GRIN2B: variants seen among roughly 807,000 people sequenced by gnomAD.
GRIN2B encodes glutamate receptor ionotropic, NMDA 2B.
In GRIN2B, 5 loss-of-function variants were observed where a neutral mutation model predicts 114.5. The observed-to-expected ratio is 0.04, with a 90% confidence interval of 0.02 to 0.09. The LOEUF (loss-of-function observed/expected upper bound fraction) is 0.09. Ranked by LOEUF, GRIN2B falls within the 10% of genes least tolerant of loss-of-function variation. The probability of loss-of-function intolerance (pLI) is 1.00; values close to 1 mark genes in which losing one functional copy is unlikely to be tolerated. For missense variants in GRIN2B, 1,108 were observed against 1,943.5 expected (o/e 0.57, Z 8.08); for synonymous variants, 787 against 745.1 (o/e 1.06, Z -0.92).
intron 5 of GRIN2B, among the ~76,000 whole-genome samples, chr12:13,631,925 G>A (rs60721406): frequency 0.035 from 5,403 of 152,280 alleles, 271 homozygotes; most frequent in African/African-American, 0.11. Context: ...CAGAAAAGGC[G>A]GGTTTCCAGA....
intron 10 of GRIN2B, among the ~76,000 whole-genome samples, chr12:13,574,786 T>A (rs1396322175): frequency 1.3e-5 from 2 of 152,264 alleles, no homozygotes; most frequent in African/African-American, 4.8e-5. Context: ...CCAAGATAAC[T>A]TTGAAAAAGG....
At chr12:13,879,263 C>A (rs984740920) in intron 2 of GRIN2B, among the ~76,000 whole-genome samples, 3 of 152,074 alleles carry the variant, frequency 2.0e-5, no homozygotes, top group South Asian at 4.1e-4. Flanking sequence ...TCCTAGGCTA[C>A]AAATCTGTAC....
At chr12:13,887,990 C>A (rs1199325012) in intron 2 of GRIN2B, among the ~76,000 whole-genome samples, 1 of 152,162 alleles carries the variant, frequency 6.6e-6, no homozygotes, top group Non-Finnish European at 1.5e-5. Flanking sequence ...CTTCTACAAG[C>A]CTGTTGGCTC....
intron 2 of GRIN2B, among the ~76,000 whole-genome samples, chr12:13,875,129 G>A (rs539452826): frequency 1.5e-4 from 23 of 151,682 alleles, no homozygotes; most frequent in African/African-American, 4.8e-4. Context: ...ATGTATCCAC[G>A]TGTTCTCATC....
intron 2 of GRIN2B, among the ~76,000 whole-genome samples, chr12:13,976,513 T>C (rs1040091453): frequency 2.0e-5 from 3 of 152,198 alleles, no homozygotes; most frequent in Non-Finnish European, 4.4e-5. Context: ...CAGTCTTCAA[T>C]ATTAAAGACA....
intron 3 of GRIN2B, among the ~76,000 whole-genome samples, chr12:13,826,974 T>C (rs568977155): frequency 6.6e-6 from 1 of 151,444 alleles, no homozygotes; most frequent in Non-Finnish European, 1.5e-5. Context: ...TATTTTTGTA[T>C]CTTTTTAAAA....
chr12:13,614,366 TC>T (rs1256368124), intron 8 of GRIN2B, among the ~76,000 whole-genome samples: 1 of 152,192 alleles, frequency 6.6e-6, no homozygotes, highest in Non-Finnish European at 1.5e-5. Context: ...AAACCCAGTC[TC>T]CTTTCTGCTA....
At chr12:13,784,816 C>T (rs1864194371) in intron 3 of GRIN2B, among the ~76,000 whole-genome samples, 1 of 152,210 alleles carries the variant, frequency 6.6e-6, no homozygotes, top group African/African-American at 2.4e-5. Context: ...AACACTGAAA[C>T]ATGGGGCAAC....
intron 3 of GRIN2B, among the ~76,000 whole-genome samples, chr12:13,819,317 A>G (rs1029451047): frequency 6.6e-6 from 1 of 152,180 alleles, no homozygotes; most frequent in Non-Finnish European, 1.5e-5. Context: ...TGTTGTTTGC[A>G]CCACCACATC....
intron 2 of GRIN2B, among the ~76,000 whole-genome samples, chr12:13,923,298 T>G (rs936954363): frequency 6.6e-6 from 1 of 152,214 alleles, no homozygotes; most frequent in Admixed American, 6.5e-5. Flanking sequence ...AGATTCAACT[T>G]GGAAACAATT....
intron 3 of GRIN2B, among the ~76,000 whole-genome samples, chr12:13,754,964 G>A (rs1285140964): frequency 2.6e-5 from 4 of 152,086 alleles, no homozygotes; most frequent in African/African-American, 9.7e-5. Context: ...AGATGAGTCC[G>A]AAAACACAAA....
At chr12:13,774,591 C>A (rs991899733) in intron 3 of GRIN2B, among the ~76,000 whole-genome samples, 18 of 152,160 alleles carry the variant, frequency 1.2e-4, no homozygotes, top group African/African-American at 4.3e-4. Context: ...GTGTACAAAG[C>A]AAGAGTAAAT....
intron 2 of GRIN2B, among the ~76,000 whole-genome samples, chr12:13,935,621 A>AT (rs1433695148): frequency 6.6e-6 from 1 of 152,248 alleles, no homozygotes; most frequent in Non-Finnish European, 1.5e-5. Flanking sequence ...TAAAACTGTG[A>AT]TAAAAAATAG....
intron 2 of GRIN2B, among the ~76,000 whole-genome samples, chr12:13,871,071 T>C (rs147872687): frequency 4.4e-4 from 67 of 152,258 alleles, no homozygotes; most frequent in African/African-American, 1.5e-3. Context: ...TTTTCATGTA[T>C]AAGGCAACAA....
At chr12:13,846,611 A>G (rs111617834) in intron 3 of GRIN2B, among the ~76,000 whole-genome samples, 4,510 of 152,312 alleles carry the variant, frequency 0.03, 252 homozygotes, top group African/African-American at 0.1. Context: ...TGAAAAAGCA[A>G]TTAAATCATT....
intron 2 of GRIN2B, among the ~76,000 whole-genome samples, chr12:13,868,308 G>C (rs1865856910): frequency 6.6e-6 from 1 of 152,082 alleles, no homozygotes; most frequent in African/African-American, 2.4e-5. Context: ...TTTGCTGATG[G>C]GCTGTACACA....
intron 3 of GRIN2B, among the ~76,000 whole-genome samples, chr12:13,824,943 T>C (rs1224820778): frequency 6.6e-6 from 1 of 151,988 alleles, no homozygotes; most frequent in East Asian, 1.9e-4. Context: ...ATTTCCCCTC[T>C]TCATTTGTTT....
chr12:13,958,573 A>G (rs1191148516), intron 2 of GRIN2B, among the ~76,000 whole-genome samples: 1 of 152,214 alleles, frequency 6.6e-6, no homozygotes, highest in Non-Finnish European at 1.5e-5. Context: ...GGAGGTTCTC[A>G]TTAGCAGATG....
intron 12 of GRIN2B, 25 bp from the exon 13 acceptor site, chr12:13,567,288 A>G: frequency 6.5e-7 from 1 of 1,539,802 alleles, no homozygotes; most frequent in Non-Finnish European, 9.0e-7. Flanking sequence ...GAGAAGGAAA[A>G]TGGATAAAAA....
Sources: gnomAD v4.1 joint callset for allele counts (sites outside exome capture counted in the v4.1 genomes callset) on GRCh38, gnomAD v4.1.1 for gene constraint, MANE v1.5 for transcripts, NCBI Gene and HGNC (gene_info 2026-07-23, HGNC 2026-07-21) for gene names.